The following OPN4 variants were observed in gnomAD, a reference collection of about 807,000 sequenced individuals.
OPN4 encodes the protein melanopsin.
A neutral mutation model predicts 49.5 loss-of-function variants in OPN4; 43 were observed. The observed-to-expected ratio is 0.87, with a 90% CI of 0.68 to 1.12. OPN4 has a LOEUF of 1.12. Among genes scored for constraint, OPN4 ranks in the 50% most tolerant of loss-of-function variants. The pLI is 0.00. For synonymous variants in OPN4, 263 were observed against 258.0 expected, an observed-to-expected ratio of 1.02 and a Z score of -0.19; for missense variants, 657 against 643.9, an observed-to-expected ratio of 1.02 and a Z score of -0.22.
chr10:86,658,790 G>T (rs549381710), intron 4 of OPN4, 103 bp downstream of exon 4: 10 of 1,212,480 alleles, frequency 8.2e-6, no homozygotes, highest in Non-Finnish European at 1.2e-5. Context: ...GGAGCAGGGT[G>T]CCCAGGAGCT....
In OPN4 at chr10:86,658,550, T is replaced by C. The variant is rs1263478017; in HGVS notation, c.491T>C (p.Ile164Thr). ...TCCTCCATGATCACCCTGACGGCCA[T>C]CGCCCTGGACCGCTACCTGGTAATC... The part of the protein sequence containing the change: ...GISSMITLTA[I>T]ALDRYLVITR... Residue 164 changes from isoleucine to threonine, a missense_variant, in exon 4 of 10, where the codon ATC (isoleucine) becomes ACC (threonine). Physicochemically the swap from Ile to Thr is moderately conservative, Grantham distance 89. Coordinates refer to ENST00000241891, the MANE Select transcript of OPN4 (RefSeq NM_033282.4). 1 of 1,614,186 alleles carries C rather than the reference T, an allele frequency of 6.2e-7. No homozygotes were observed. Among genetic ancestry groups the C allele is most frequent in the East Asian group, 2.2e-5 (1 of 44,886 alleles).
At chr10:86,662,644 G>T (rs1844041952) in intron 8 of OPN4, among the ~76,000 whole-genome samples, 1 of 152,260 alleles carries the variant, frequency 6.6e-6, no homozygotes, top group Non-Finnish European at 1.5e-5. Context: ...CCAGAGCGGG[G>T]ATGGTTTGGG....
chr10:86,661,802 T>C (rs1232755851), intron 7 of OPN4, among the ~76,000 whole-genome samples: 3 of 150,488 alleles, frequency 2.0e-5, no homozygotes, highest in Non-Finnish European at 4.4e-5. Context: ...CCAGTATGCA[T>C]GCTGATAGCA....
rs375019351 is a variant in OPN4, at chr10:86,658,456, G to A, written c.425-28G>A. 49 of 1,611,484 alleles carry A rather than the reference G, an allele frequency of 3.0e-5. No homozygotes were observed. The African/African-American group carries it at 3.6e-4, about 12-fold the overall frequency. On this transcript the variant is annotated intron_variant, in intron 3 of 9. Coordinates refer to ENST00000241891, the MANE Select transcript of OPN4 (RefSeq NM_033282.4). ...CCCTGTCCCCAGACCCTCCTCCCCAGGACTCAGAGCAGGGGCTGTGCCCAC... is the reference window on the plus strand; with the variant it reads ...CCCTGTCCCCAGACCCTCCTCCCCAAGACTCAGAGCAGGGGCTGTGCCCAC...
At chr10:86,658,784 C>G (rs1476372463) in intron 4 of OPN4, 97 bp downstream of exon 4, 1 of 1,279,592 alleles carries the variant, frequency 7.8e-7, no homozygotes, top group East Asian at 2.4e-5. Context: ...CTGGCGGGAG[C>G]AGGGTGCCCA....
chr10:86,663,533 T>A (rs760308631), intron 8 of OPN4, 126 bp from the exon 9 acceptor site: 104 of 827,126 alleles, frequency 1.3e-4, no homozygotes, highest in Non-Finnish European at 1.7e-4. Flanking sequence ...ACGGTGCAAA[T>A]GGTGTCAGGG....
At chr10:86,659,104 A>G (rs1005975473) in intron 4 of OPN4, among the ~76,000 whole-genome samples, 193 bp from the exon 5 acceptor site, 4 of 152,206 alleles carry the variant, frequency 2.6e-5, no homozygotes, top group African/African-American at 9.7e-5. Flanking sequence ...TTCTGCTCAA[A>G]TCTAGCAGGA....
At chr10:86,662,683 C>T (rs959120974) in intron 8 of OPN4, among the ~76,000 whole-genome samples, 3 of 152,256 alleles carry the variant, frequency 2.0e-5, no homozygotes, top group African/African-American at 7.2e-5. Context: ...CAGGATTGAA[C>T]ACAGGTCTTC....
intron 5 of OPN4, 130 bp downstream of exon 5, chr10:86,659,598 G>C: frequency 7.7e-7 from 1 of 1,292,900 alleles, no homozygotes; most frequent in Non-Finnish European, 1.0e-6. Context: ...AGCTGAGCAA[G>C]TGCTTATGGG....
At chr10:86,665,284 C>T (rs571145106) in intron 9 of OPN4, among the ~76,000 whole-genome samples, 1 of 151,966 alleles carries the variant, frequency 6.6e-6, no homozygotes, top group Non-Finnish European at 1.5e-5. Context: ...CCAGACCTGA[C>T]CTGGGGACAG....
In OPN4 at chr10:86,661,114, C is replaced by CAA. The variant is rs61612272; in HGVS notation, c.966-155_966-154dup. On this transcript the variant is annotated intron_variant, in intron 6 of 9. Transcript: ENST00000241891. ...TGCCACTCCAGCATGGGCGACAGAG[C>CAA]AAAAAAAAAAAAATTATCCTGGCAC... is the stretch of plus-strand genomic sequence containing the variant. Among the ~76,000 whole-genome samples the CAA allele has an allele frequency of 2.7e-4, 40 of 146,532 alleles. 1 individual carries two copies. The highest frequency in any genetic ancestry group is 8.7e-4 in the South Asian group (4 of 4,602).
At chr10:86,658,435 G>T (rs929946413) in intron 3 of OPN4, 49 bp from the exon 4 acceptor site, 5 of 1,590,640 alleles carry the variant, frequency 3.1e-6, no homozygotes, top group Non-Finnish European at 4.3e-6. Context: ...AGTCTACCCT[G>T]TCCCCAGACC....
Position 86,656,644 on chromosome 10 carries a change from G to A in OPN4, c.290+344G>A, listed in dbSNP as rs34298364. On this transcript the variant is annotated intron_variant, in intron 2 of 9. Transcript: ENST00000241891. ...CTGCCCCAGAGAGCATCCTCCCCCTGCGTTGAAGAGCAGCTCTAGGCCAGG... is the reference window on the plus strand; with the variant it reads ...CTGCCCCAGAGAGCATCCTCCCCCTACGTTGAAGAGCAGCTCTAGGCCAGG... 6.1e-3 allele frequency among the ~76,000 whole-genome samples: 931 copies of A among 152,188 alleles called. 4 individuals carry two copies. Among genetic ancestry groups the A allele is most frequent in the Middle Eastern group, 0.01 (3 of 294 alleles).
intron 6 of OPN4, among the ~76,000 whole-genome samples, chr10:86,660,593 T>A (rs898394928): frequency 2.3e-4 from 35 of 152,194 alleles, no homozygotes; most frequent in African/African-American, 8.4e-4. Context: ...AGGGCCCTAC[T>A]GTGGGGTTTC....
At chr10:86,658,435 G>A (rs929946413) in intron 3 of OPN4, 49 bp from the exon 4 acceptor site, 8 of 1,590,642 alleles carry the variant, frequency 5.0e-6, no homozygotes, top group Non-Finnish European at 6.9e-6. Context: ...AGTCTACCCT[G>A]TCCCCAGACC....
At chr10:86,656,979 G>C (rs1433894252) in intron 2 of OPN4, among the ~76,000 whole-genome samples, 5 of 150,278 alleles carry the variant, frequency 3.3e-5, no homozygotes, top group African/African-American at 9.7e-5. Context: ...GCAGCCCTGG[G>C]GACCAGCATC....
At chr10:86,657,980 A>G (rs1231813962) in intron 2 of OPN4, 52 bp from the exon 3 acceptor site, 23 of 1,588,230 alleles carry the variant, frequency 1.4e-5, no homozygotes, top group East Asian at 2.2e-5. Flanking sequence ...GAAGCTCTCC[A>G]TAGCTCTGGA....
chr10:86,662,890 G>A (rs867519919), intron 8 of OPN4, among the ~76,000 whole-genome samples: 2 of 152,244 alleles, frequency 1.3e-5, no homozygotes, highest in South Asian at 2.1e-4. Flanking sequence ...CCTGGAGATG[G>A]GAGATGTGGC....
intron 1 of OPN4, among the ~76,000 whole-genome samples, chr10:86,655,726 C>T (rs767908669): frequency 6.6e-5 from 10 of 152,198 alleles, no homozygotes; most frequent in Non-Finnish European, 1.0e-4. Context: ...GGGCTCCACC[C>T]GACTCACCAC....
Sources: allele counts gnomAD v4.1 joint callset (sites outside exome capture counted in the v4.1 genomes callset), GRCh38; gene constraint gnomAD v4.1.1; transcripts MANE v1.5; gene names NCBI Gene and HGNC (gene_info 2026-07-23, HGNC 2026-07-21).